The following DBX2 variants were observed in gnomAD, a reference collection of about 807,000 sequenced individuals.
DBX2 encodes the protein developing brain homeobox 2, also known as homeobox protein DBX2.
DBX2 carries 16 observed loss-of-function variants against 17.7 expected under a neutral mutation model. The ratio of observed to expected loss-of-function variants is 0.90; its 90% CI spans 0.61 to 1.37. The LOEUF is 1.37. Among genes scored for constraint, DBX2 ranks in the 40% most tolerant of loss-of-function variants. DBX2 has a pLI of 0.00. For missense variants in DBX2, 538 were observed against 433.8 expected, an observed-to-expected ratio of 1.24 and a Z score of -2.13; for synonymous variants, 255 against 183.8, an observed-to-expected ratio of 1.39 and a Z score of -3.13.
chr12:45,023,698 T>C lies in DBX2; in HGVS notation c.687+9A>G, dbSNP rs1381145926. 1 of 1,614,054 alleles carries C rather than the reference T, an allele frequency of 6.2e-7. No individual in the cohort carries two copies. The highest frequency in any genetic ancestry group is 8.5e-7 in the Non-Finnish European group (1 of 1,179,968). On this transcript the variant is annotated intron_variant, in intron 3 of 3. Coordinates refer to ENST00000332700, the MANE Select transcript of DBX2 (RefSeq NM_001004329.3). ...CAGAGGCAGTAGACATCTTCCTGCT[T>C]ATTAGTACCTGTGATTCCTTTAGTC...
intron 1 of DBX2, among the ~76,000 whole-genome samples, chr12:45,050,234 C>T (rs1592761958): frequency 6.6e-6 from 1 of 152,110 alleles, no homozygotes; most frequent in Non-Finnish European, 1.5e-5. Context: ...CAGAGTTTCC[C>T]AGTTAAGGCC....
intron 1 of DBX2, among the ~76,000 whole-genome samples, chr12:45,042,880 G>A (rs571381653): frequency 6.6e-6 from 1 of 152,274 alleles, no homozygotes; most frequent in East Asian, 1.9e-4. Context: ...GCTGTGGGAC[G>A]TTAGTTCACC....
At chr12:45,039,671 T>C (rs1330981409) in intron 1 of DBX2, among the ~76,000 whole-genome samples, 1 of 152,072 alleles carries the variant, frequency 6.6e-6, no homozygotes, top group African/African-American at 2.4e-5. Context: ...AACTCATTGA[T>C]TCATTAACAT....
chr12:45,034,606 G>C (rs1260863374), intron 2 of DBX2, among the ~76,000 whole-genome samples: 2 of 152,192 alleles, frequency 1.3e-5, no homozygotes, highest in Non-Finnish European at 2.9e-5. Flanking sequence ...CCCCACAGTT[G>C]ATAATGGGCC....
intron 1 of DBX2, among the ~76,000 whole-genome samples, chr12:45,044,696 C>A (rs937967906): frequency 6.6e-6 from 1 of 152,058 alleles, no homozygotes; most frequent in Admixed American, 6.6e-5. Context: ...TCTAAAAACT[C>A]CTATAGGCTT....
chr12:45,038,524 A>C (rs1445581947), intron 1 of DBX2, among the ~76,000 whole-genome samples: 2 of 151,426 alleles, frequency 1.3e-5, no homozygotes, highest in Non-Finnish European at 3.0e-5. Flanking sequence ...TATATATTGC[A>C]TACATATTGC....
In DBX2 at chr12:45,046,230, T is replaced by C. The variant is rs554737563; in HGVS notation, c.403+4295A>G. Among the ~76,000 whole-genome samples, 79 of 152,262 alleles carry C rather than the reference T, an allele frequency of 5.2e-4. 2 individuals carry two copies. The highest frequency in any genetic ancestry group is 4.0e-3 in the Admixed American group (61 of 15,282). ...CAGAGCTGATTACTCATGAACTAGG[T>C]AAAAGTTATTAATATGTTAGTTTTA... On this transcript the variant is annotated intron_variant, in intron 1 of 3. Transcript: ENST00000332700.
chr12:45,019,735 G>C (rs1946341755), intron 3 of DBX2, among the ~76,000 whole-genome samples: 1 of 152,050 alleles, frequency 6.6e-6, no homozygotes, highest in East Asian at 1.9e-4. Flanking sequence ...AAGTAGATCT[G>C]TATGTACTGA....
At chr12:45,041,518 C>T (rs1162726443) in intron 1 of DBX2, among the ~76,000 whole-genome samples, 1 of 152,184 alleles carries the variant, frequency 6.6e-6, no homozygotes, top group Non-Finnish European at 1.5e-5. Context: ...GATCTAATTG[C>T]AAACCTTGCC....
intron 1 of DBX2, among the ~76,000 whole-genome samples, chr12:45,040,514 T>A (rs1946465483): frequency 1.3e-5 from 2 of 152,142 alleles, no homozygotes; most frequent in Non-Finnish European, 2.9e-5. Context: ...GGAACTAAAC[T>A]GGGGCTTGTC....
At chr12:45,018,479 G>A (rs2731049) in intron 3 of DBX2, among the ~76,000 whole-genome samples, 96,486 of 151,928 alleles carry the variant, frequency 0.64, 31,083 homozygotes, top group South Asian at 0.84. Context: ...ATATAAAAAC[G>A]AAACTGCAAA....
intron 1 of DBX2, among the ~76,000 whole-genome samples, chr12:45,046,270 T>A (rs1946499650): frequency 6.6e-6 from 1 of 152,190 alleles, no homozygotes; most frequent in South Asian, 2.1e-4. Context: ...AAAAGGTATG[T>A]TGAGCAGATT....
intron 3 of DBX2, 29 bp downstream of exon 3, chr12:45,023,678 G>A: frequency 6.2e-7 from 1 of 1,612,782 alleles, no homozygotes; most frequent in Non-Finnish European, 8.5e-7. Flanking sequence ...GAAATCAGAG[G>A]CAGTAGACAT....
intron 1 of DBX2, among the ~76,000 whole-genome samples, chr12:45,048,196 T>G (rs1946510078): frequency 6.6e-6 from 1 of 152,194 alleles, no homozygotes; most frequent in African/African-American, 2.4e-5. Context: ...CGGTGCTATA[T>G]TTCACCAATG....
At chr12:45,022,466 G>C (rs1946358685) in intron 3 of DBX2, among the ~76,000 whole-genome samples, 1 of 151,866 alleles carries the variant, frequency 6.6e-6, no homozygotes, top group South Asian at 2.1e-4. Context: ...ACCTCGCCCA[G>C]CTAACTTTTT....
intron 3 of DBX2, among the ~76,000 whole-genome samples, chr12:45,018,409 C>T (rs1375157092): frequency 1.3e-5 from 2 of 151,960 alleles, no homozygotes; most frequent in Non-Finnish European, 2.9e-5. Flanking sequence ...TGGGGAGTAA[C>T]ATAAAAGTTC....
At chr12:45,045,944 C>A (rs1265875731) in intron 1 of DBX2, among the ~76,000 whole-genome samples, 2 of 152,160 alleles carry the variant, frequency 1.3e-5, no homozygotes, top group Non-Finnish European at 2.9e-5. Flanking sequence ...ACCCTCAAAT[C>A]CCTAAAGGAA....
intron 2 of DBX2, among the ~76,000 whole-genome samples, chr12:45,030,702 C>T (rs1946404679): frequency 1.3e-5 from 2 of 152,178 alleles, no homozygotes; most frequent in African/African-American, 4.8e-5. Context: ...ACAGTTTTTC[C>T]ATATTAAAAA....
At chr12:45,031,225 T>TGTGAGAGAGAGA (rs1377897653) in intron 2 of DBX2, among the ~76,000 whole-genome samples, 15 of 85,656 alleles carry the variant, frequency 1.8e-4, no homozygotes, top group East Asian at 3.9e-4. Flanking sequence ...TGTGTGTGTG[T>TGTGAGAGAGAGA]GAGAGAGAGA....
Sources: allele counts gnomAD v4.1 joint callset (sites outside exome capture counted in the v4.1 genomes callset), GRCh38; gene constraint gnomAD v4.1.1; transcripts MANE v1.5; gene names NCBI Gene and HGNC (gene_info 2026-07-23, HGNC 2026-07-21).